Variants in XIRP2 observed in about 807,000 individuals in gnomAD.
XIRP2 encodes xin actin binding repeat containing 2.
In XIRP2, 236 loss-of-function variants were observed where a neutral mutation model predicts 277.0. The ratio of observed to expected loss-of-function variants is 0.85; its 90% CI spans 0.77 to 0.95. The LOEUF (loss-of-function observed/expected upper bound fraction) is 0.95, where lower values mean the gene tolerates loss of function less well. XIRP2 is among the 40% of genes least tolerant of loss of function. The pLI, the probability that XIRP2 is intolerant of heterozygous loss-of-function variation, is 0.00. For missense variants in XIRP2, 4,640 were observed against 4,157.5 expected (o/e 1.12, Z -3.19); for synonymous variants, 1,490 against 1,416.5 (o/e 1.05, Z -1.17).
chr2:167,050,124 C>G (rs1243613484), intron 2 of XIRP2, among the ~76,000 whole-genome samples: 1 of 151,974 alleles, frequency 6.6e-6, no homozygotes, highest in Non-Finnish European at 1.5e-5. Context: ...CTTTGAAAGC[C>G]AGTTGCCAAT....
chr2:167,080,132 T>A (rs983342152), intron 2 of XIRP2, among the ~76,000 whole-genome samples: 1 of 152,146 alleles, frequency 6.6e-6, no homozygotes, highest in Non-Finnish European at 1.5e-5. Context: ...GGGCAAAAGT[T>A]GTAGCATTGA....
At chr2:167,192,834 G>T (rs1179963268) in intron 3 of XIRP2, among the ~76,000 whole-genome samples, 1 of 152,124 alleles carries the variant, frequency 6.6e-6, no homozygotes, top group Non-Finnish European at 1.5e-5. Context: ...GCAATCAACA[G>T]CTTGATCCCC....
intron 2 of XIRP2, among the ~76,000 whole-genome samples, chr2:166,909,595 G>A (rs1248292553): frequency 6.6e-6 from 1 of 152,156 alleles, no homozygotes; most frequent in Non-Finnish European, 1.5e-5. Context: ...TTTCCTAATT[G>A]AATACCCTTA....
At chr2:167,141,143 TA>T (rs898898429) in intron 3 of XIRP2, among the ~76,000 whole-genome samples, 5 of 152,158 alleles carry the variant, frequency 3.3e-5, no homozygotes, top group African/African-American at 1.2e-4. Context: ...AGTATACCTT[TA>T]AAAAATCATT....
chr2:166,981,771 C>T (rs1416311250), intron 2 of XIRP2, among the ~76,000 whole-genome samples: 1 of 152,136 alleles, frequency 6.6e-6, no homozygotes, highest in Non-Finnish European at 1.5e-5. Flanking sequence ...ATGAAGTCAT[C>T]TTAAAGTGAG....
intron 2 of XIRP2, among the ~76,000 whole-genome samples, chr2:166,928,833 T>A (rs1685254953): frequency 1.3e-5 from 2 of 152,088 alleles, no homozygotes; most frequent in Non-Finnish European, 2.9e-5. Flanking sequence ...CCCCACTGCC[T>A]ATCAGGGTGA....
rs148946061 is a variant in XIRP2, at chr2:167,038,688, C to A, written c.409-97221C>A. On this transcript the variant is annotated intron_variant, in intron 2 of 10. Coordinates refer to ENST00000409195, the MANE Select transcript of XIRP2 (RefSeq NM_152381.6). ...TTGATTTTTAAATAGAGAGTCCTAT[C>A]CATATTTATACTAATGTCCTGAAAT... Among the ~76,000 whole-genome samples, 607 of 151,708 alleles carry A rather than the reference C, an allele frequency of 4.0e-3. 5 individuals carry two copies. Among genetic ancestry groups the A allele is most frequent in the African/African-American group, 0.014 (588 of 41,430 alleles).
At chr2:166,934,195 CAAAA>C (rs750753001) in intron 2 of XIRP2, among the ~76,000 whole-genome samples, 2 of 71,560 alleles carry the variant, frequency 2.8e-5, no homozygotes, top group Non-Finnish European at 5.8e-5. Flanking sequence ...AAATCAACAG[CAAAA>C]AAAAAAAAAA....
At chr2:167,227,400 C>A (rs1694635425) in intron 5 of XIRP2, among the ~76,000 whole-genome samples, 1 of 152,034 alleles carries the variant, frequency 6.6e-6, no homozygotes, top group Non-Finnish European at 1.5e-5. Context: ...ATATATATGA[C>A]ATATTAGAAT....
chr2:167,019,233 C>T (rs1238665481), intron 2 of XIRP2, among the ~76,000 whole-genome samples: 2 of 151,836 alleles, frequency 1.3e-5, no homozygotes, highest in Non-Finnish European at 2.9e-5. Context: ...CTCAAGGTCT[C>T]GTTCAGTCCC....
intron 2 of XIRP2, among the ~76,000 whole-genome samples, chr2:166,919,826 A>G (rs1684989223): frequency 6.6e-6 from 1 of 152,160 alleles, no homozygotes; most frequent in Non-Finnish European, 1.5e-5. Context: ...GTGTGCATGG[A>G]AGCAGACACA....
intron 2 of XIRP2, among the ~76,000 whole-genome samples, chr2:167,051,892 T>C (rs1281303436): frequency 6.6e-6 from 1 of 152,132 alleles, no homozygotes; most frequent in East Asian, 1.9e-4. Context: ...AATATGAAAC[T>C]GAACTTTCAA....
intron 2 of XIRP2, among the ~76,000 whole-genome samples, chr2:167,123,705 G>T (rs910860219): frequency 1.3e-5 from 2 of 151,930 alleles, no homozygotes; most frequent in Non-Finnish European, 2.9e-5. Context: ...CTCTTTATGG[G>T]TCCAAATTTC....
At position 167,038,894 on chromosome 2, in the gene XIRP2, T is replaced by C. The variant is rs562795488; in HGVS notation, c.409-97015T>C. Reference sequence around the variant, plus strand: ...TCATGGGGGGCCACTTAATAAACTATTTTAGTCAAATCATTAAAAAACAAA... The same window carrying C: ...TCATGGGGGGCCACTTAATAAACTACTTTAGTCAAATCATTAAAAAACAAA... On this transcript the variant is annotated intron_variant, in intron 2 of 10. Transcript: ENST00000409195. Among the ~76,000 whole-genome samples the C allele has an allele frequency of 5.1e-4, 78 of 152,228 alleles. 1 individual carries two copies. The South Asian group carries it at 0.016, about 31-fold the overall frequency.
chr2:166,904,400 C>T (rs1196299715), intron 2 of XIRP2, among the ~76,000 whole-genome samples: 5 of 152,134 alleles, frequency 3.3e-5, no homozygotes, highest in Non-Finnish European at 7.4e-5. Flanking sequence ...ATGTCTTAAT[C>T]TGCTACTTTA....
intron 3 of XIRP2, among the ~76,000 whole-genome samples, chr2:167,180,388 A>G (rs541932560): frequency 6.6e-6 from 1 of 150,412 alleles, no homozygotes; most frequent in African/African-American, 2.5e-5. Flanking sequence ...CATCTCTTTG[A>G]TTTTGCTCCT....
At chr2:167,126,574 G>A (rs1460261527) in intron 2 of XIRP2, among the ~76,000 whole-genome samples, 1 of 152,136 alleles carries the variant, frequency 6.6e-6, no homozygotes, top group Non-Finnish European at 1.5e-5. Context: ...AGGATGTTAT[G>A]AGGTAGCCAA....
chr2:167,025,826 G>T (rs1476596829), intron 2 of XIRP2, among the ~76,000 whole-genome samples: 1 of 152,022 alleles, frequency 6.6e-6, no homozygotes, highest in Non-Finnish European at 1.5e-5. Flanking sequence ...GAGACAGTTT[G>T]TTATAATTTC....
At chr2:167,043,583 A>C (rs1688717116) in intron 2 of XIRP2, among the ~76,000 whole-genome samples, 1 of 152,122 alleles carries the variant, frequency 6.6e-6, no homozygotes, top group African/African-American at 2.4e-5. Flanking sequence ...CATAAACAAG[A>C]AAACCTAGAA....
Sources: allele counts gnomAD v4.1 joint callset (sites outside exome capture counted in the v4.1 genomes callset), GRCh38; gene constraint gnomAD v4.1.1; transcripts MANE v1.5; gene names NCBI Gene and HGNC (gene_info 2026-07-23, HGNC 2026-07-21).